TMEM108: variants seen among roughly 807,000 people sequenced by gnomAD.
TMEM108 encodes the protein transmembrane protein 108.
A neutral mutation model predicts 35.1 loss-of-function variants in TMEM108; 12 were observed. The observed-to-expected ratio is 0.34, with a 90% confidence interval of 0.22 to 0.55. The LOEUF is 0.55. TMEM108 is among the 20% of genes least tolerant of loss of function. The pLI, the probability that TMEM108 is intolerant of heterozygous loss-of-function variation, is 0.89. For synonymous variants in TMEM108, 287 were observed against 308.6 expected, an observed-to-expected ratio of 0.93 and a Z score of 0.73; for missense variants, 680 against 753.3, an observed-to-expected ratio of 0.90 and a Z score of 1.14.
intron 3 of TMEM108, among the ~76,000 whole-genome samples, chr3:133,259,925 A>G (rs964975191): frequency 2.0e-5 from 3 of 152,184 alleles, no homozygotes; most frequent in African/African-American, 7.2e-5. Flanking sequence ...CAGAGTCCAG[A>G]TAGGTGAAGG....
At chr3:133,369,642 C>T (rs1020931267) in intron 3 of TMEM108, among the ~76,000 whole-genome samples, 1 of 152,168 alleles carries the variant, frequency 6.6e-6, no homozygotes, top group African/African-American at 2.4e-5. Context: ...ACAGATAAAG[C>T]AAGTCTTAGA....
chr3:133,058,066 G>A (rs555051072), intron 2 of TMEM108, among the ~76,000 whole-genome samples: 58 of 149,362 alleles, frequency 3.9e-4, no homozygotes, highest in African/African-American at 7.9e-4. Flanking sequence ...CCTTGAGCAC[G>A]TTGGATTTTT....
chr3:133,356,155 C>A (rs1034988326), intron 3 of TMEM108, among the ~76,000 whole-genome samples: 9 of 151,872 alleles, frequency 5.9e-5, no homozygotes, highest in Admixed American at 5.9e-4. Context: ...GTACACAAAT[C>A]AGTAGTACTG....
chr3:133,208,055 T>A (rs558263828), intron 2 of TMEM108, among the ~76,000 whole-genome samples: 64 of 152,314 alleles, frequency 4.2e-4, no homozygotes, highest in Non-Finnish European at 6.8e-4. Context: ...AAGGTCACAG[T>A]TGTACAGTAA....
chr3:133,059,012 C>A (rs1943505840), intron 2 of TMEM108, among the ~76,000 whole-genome samples: 1 of 152,196 alleles, frequency 6.6e-6, no homozygotes, highest in Non-Finnish European at 1.5e-5. Flanking sequence ...AGGGTGCCAG[C>A]ATGGTTAGGT....
At chr3:133,254,572 A>G (rs1946518175) in intron 3 of TMEM108, among the ~76,000 whole-genome samples, 1 of 152,208 alleles carries the variant, frequency 6.6e-6, no homozygotes, top group South Asian at 2.1e-4. Flanking sequence ...TACCAAATAC[A>G]TAAGAAAGCA....
At chr3:133,227,380 A>G (rs1283444833) in intron 2 of TMEM108, among the ~76,000 whole-genome samples, 1 of 148,368 alleles carries the variant, frequency 6.7e-6, no homozygotes, top group Non-Finnish European at 1.5e-5. Flanking sequence ...TTTTTAGTAG[A>G]GACGGGGTTT....
chr3:133,280,822 T>C (rs1001634614), intron 3 of TMEM108, among the ~76,000 whole-genome samples: 36 of 152,238 alleles, frequency 2.4e-4, no homozygotes, highest in African/African-American at 8.4e-4. Flanking sequence ...ATGACCTCAT[T>C]TGAGACTACT....
intron 2 of TMEM108, among the ~76,000 whole-genome samples, chr3:133,057,086 CCAGTGTTCTCAGA>C (rs1943473958): frequency 6.6e-6 from 1 of 152,086 alleles, no homozygotes; most frequent in Non-Finnish European, 1.5e-5. Context: ...ATTAAACCTG[CCAGTGTTCTCAGA>C]CAATGTGATG....
intron 2 of TMEM108, among the ~76,000 whole-genome samples, chr3:133,076,295 C>T (rs557119753): frequency 2.0e-5 from 3 of 150,708 alleles, no homozygotes; most frequent in Non-Finnish European, 4.4e-5. Context: ...GTCTGTTTCA[C>T]AGTTTAACAT....
At chr3:133,295,700 G>T (rs1195438783) in intron 3 of TMEM108, among the ~76,000 whole-genome samples, 1 of 152,186 alleles carries the variant, frequency 6.6e-6, no homozygotes, top group East Asian at 1.9e-4. Flanking sequence ...AGCCAGGAGG[G>T]AGATAGTGAG....
intron 1 of TMEM108, among the ~76,000 whole-genome samples, chr3:133,045,156 G>A (rs1398391343): frequency 1.3e-5 from 2 of 152,054 alleles, no homozygotes; most frequent in African/African-American, 4.8e-5. Flanking sequence ...TTTTAATAGA[G>A]ACGGGGTTTC....
intron 2 of TMEM108, among the ~76,000 whole-genome samples, chr3:133,054,727 C>T (rs1054020612): frequency 6.6e-6 from 1 of 152,160 alleles, no homozygotes; most frequent in African/African-American, 2.4e-5. Context: ...GACTCTGTGT[C>T]AGGGTAAGAA....
intron 2 of TMEM108, among the ~76,000 whole-genome samples, chr3:133,187,433 C>T (rs756964004): frequency 6.6e-6 from 1 of 152,152 alleles, no homozygotes; most frequent in Admixed American, 6.5e-5. Context: ...GTCTCCAAGG[C>T]TGTCACTAAC....
At chr3:133,286,477 G>A (rs905766087) in intron 3 of TMEM108, among the ~76,000 whole-genome samples, 21 of 152,132 alleles carry the variant, frequency 1.4e-4, no homozygotes, top group African/African-American at 5.1e-4. Flanking sequence ...AGGACTACAG[G>A]CACATGCCAT....
intron 3 of TMEM108, among the ~76,000 whole-genome samples, chr3:133,376,769 C>T (rs771074443): frequency 1.1e-4 from 17 of 152,294 alleles, no homozygotes; most frequent in Admixed American, 1.0e-3. Flanking sequence ...CCACGGCTGA[C>T]CCCACAGATC....
At chr3:133,175,916 TC>T (rs1469581166) in intron 2 of TMEM108, among the ~76,000 whole-genome samples, 4 of 152,238 alleles carry the variant, frequency 2.6e-5, no homozygotes, top group East Asian at 1.9e-4. Flanking sequence ...TGTGCTGTAT[TC>T]AGGAAACCCA....
intron 2 of TMEM108, among the ~76,000 whole-genome samples, chr3:133,092,805 T>C (rs1166142743): frequency 6.6e-6 from 1 of 152,174 alleles, no homozygotes; most frequent in African/African-American, 2.4e-5. Context: ...ATTTATATTA[T>C]AATACATTCA....
chr3:133,223,435 C>T (rs1484007940), intron 2 of TMEM108, among the ~76,000 whole-genome samples: 1 of 152,160 alleles, frequency 6.6e-6, no homozygotes, highest in Non-Finnish European at 1.5e-5. Flanking sequence ...GGTCTATAGG[C>T]ATGGGCCTGG....
Sources: allele counts gnomAD v4.1 joint callset (sites outside exome capture counted in the v4.1 genomes callset), GRCh38; gene constraint gnomAD v4.1.1; transcripts MANE v1.5; gene names NCBI Gene and HGNC (gene_info 2026-07-23, HGNC 2026-07-21).